The following TPRG1 variants were observed in gnomAD, a reference collection of about 807,000 sequenced individuals.
TPRG1 encodes tumor protein p63 regulated 1.
Under a neutral mutation model 29.3 loss-of-function variants are expected in TPRG1, and 29 were observed. The observed-to-expected ratio is 0.99, with a 90% CI of 0.74 to 1.35. The LOEUF (loss-of-function observed/expected upper bound fraction) is 1.35. Ranked by LOEUF, TPRG1 falls within the 40% of genes most tolerant of loss-of-function variation. The pLI, the probability that TPRG1 is intolerant of heterozygous loss-of-function variation, is 0.00. For missense variants in TPRG1, 327 were observed against 335.0 expected (o/e 0.98, Z 0.19); for synonymous variants, 130 against 116.8 (o/e 1.11, Z -0.73).
At chr3:189,257,431 C>A (rs1712105216) in intron 4 of TPRG1, among the ~76,000 whole-genome samples, 1 of 152,074 alleles carries the variant, frequency 6.6e-6, no homozygotes, top group Admixed American at 6.6e-5. Flanking sequence ...TCTGTCTGCC[C>A]TTAACAATTT....
At chr3:189,211,724 A>C (rs1245825727) in intron 2 of TPRG1, 1 of 152,188 alleles carries the variant, frequency 6.6e-6, no homozygotes, top group Non-Finnish European at 1.5e-5. Flanking sequence ...ACTTGGTGCC[A>C]AGGTCAACAA....
chr3:189,076,728 C>T (rs1717197840), intron 4 of TPRG1, among the ~76,000 whole-genome samples: 1 of 151,806 alleles, frequency 6.6e-6, no homozygotes, highest in South Asian at 2.1e-4. Flanking sequence ...AAAAAACATG[C>T]CCAGTAATTT....
At chr3:189,282,436 G>A (rs535238232) in intron 4 of TPRG1, among the ~76,000 whole-genome samples, 2 of 152,082 alleles carry the variant, frequency 1.3e-5, no homozygotes, top group South Asian at 2.1e-4. Context: ...CAGAGAGAGT[G>A]GGGGAGAGGG....
chr3:189,133,257 G>A (rs749424434), intron 3 of TPRG1, among the ~76,000 whole-genome samples: 8 of 152,196 alleles, frequency 5.3e-5, no homozygotes, highest in Non-Finnish European at 8.8e-5. Flanking sequence ...TATGCTGTGT[G>A]CTAGGGAGAC....
intron 3 of TPRG1, among the ~76,000 whole-genome samples, chr3:189,014,543 C>T (rs371135518): frequency 2.7e-4 from 41 of 152,186 alleles, no homozygotes; most frequent in African/African-American, 8.7e-4. Flanking sequence ...TCTGTGTTCC[C>T]ACCTAAATCT....
At chr3:189,148,721 G>T (rs1725566075) in intron 4 of TPRG1, among the ~76,000 whole-genome samples, 1 of 152,182 alleles carries the variant, frequency 6.6e-6, no homozygotes, top group Non-Finnish European at 1.5e-5. Flanking sequence ...TTCAGATTTG[G>T]GTGGTAAAGC....
At position 189,134,403 on chromosome 3, in the gene TPRG1, CTTT is replaced by C. The variant is rs56318082; in HGVS notation, c.-291+1731_-291+1733del. Among the ~76,000 whole-genome samples the C allele has an allele frequency of 8.9e-3, 1,080 of 120,896 alleles. 8 individuals are homozygous for C. The highest frequency in any genetic ancestry group is 0.031 in the African/African-American group (949 of 30,380). 79.3% of individuals were successfully genotyped at this position (120,896 alleles called of 152,430 possible). On this transcript the variant is annotated intron_variant, in intron 3 of 6. Coordinates refer to the TPRG1 transcript ENST00000412373. The stretch of plus-strand genomic sequence containing the variant: ...CCTAGGAATAAGCAGTGGGGGTATC[CTTT>C]TTTTTTTTTTTTTTTTTTTTTTTTG...
At chr3:189,188,494 C>A (rs969079124) in intron 1 of TPRG1, among the ~76,000 whole-genome samples, 3 of 152,150 alleles carry the variant, frequency 2.0e-5, no homozygotes, top group Non-Finnish European at 4.4e-5. Context: ...GTCTCCCAGC[C>A]CTATGTTTAA....
chr3:189,003,851 A>AT (rs971617554), intron 2 of TPRG1, among the ~76,000 whole-genome samples: 6 of 151,414 alleles, frequency 4.0e-5, no homozygotes, highest in African/African-American at 1.2e-4. Flanking sequence ...TTGCTGTAAT[A>AT]TTTTTTTTCT....
At chr3:189,238,485 G>A (rs143617498) in intron 3 of TPRG1, among the ~76,000 whole-genome samples, 24 of 152,274 alleles carry the variant, frequency 1.6e-4, no homozygotes, top group African/African-American at 4.6e-4. Context: ...GGATTCCATC[G>A]TGGGTAATCA....
At chr3:188,998,838 G>A (rs964457910) in intron 1 of TPRG1, among the ~76,000 whole-genome samples, 10 of 152,172 alleles carry the variant, frequency 6.6e-5, no homozygotes, top group Admixed American at 6.5e-4. Context: ...GAAATGAAGA[G>A]AGGTTTGTTA....
In TPRG1 at chr3:189,321,790, TA is replaced by T. The variant is rs1476659890; in HGVS notation, c.*974del. The T allele has an allele frequency of 6.6e-6, 1 of 152,122 alleles. No homozygotes were observed. Among genetic ancestry groups the T allele is most frequent in the Non-Finnish European group, 1.5e-5 (1 of 67,998 alleles). The allele number at this position is 152,122 out of a possible 1,614,324, so 9.4% of individuals were successfully genotyped here. ...GTAGAAGCAGCATATACGAAGCAGA[TA>T]AAAGTAGGTTCAATGCGGTTGGAGT... On this transcript the variant is annotated 3_prime_UTR_variant, in exon 6 of 6. Transcript: ENST00000345063.
At chr3:189,026,969 G>A (rs946602724) in intron 4 of TPRG1, among the ~76,000 whole-genome samples, 1 of 152,144 alleles carries the variant, frequency 6.6e-6, no homozygotes, top group Admixed American at 6.5e-5. Flanking sequence ...TTAGAAAAAT[G>A]TCTTTATTTT....
chr3:189,172,626 T>C (rs1004463809), intron 1 of TPRG1, among the ~76,000 whole-genome samples: 1 of 152,230 alleles, frequency 6.6e-6, no homozygotes. Context: ...CAAAAGGTGA[T>C]TATTTCTTTG....
intron 3 of TPRG1, among the ~76,000 whole-genome samples, chr3:189,234,684 A>G (rs140767862): frequency 5.1e-4 from 78 of 152,364 alleles, no homozygotes; most frequent in African/African-American, 1.7e-3. Context: ...AATTCATTTC[A>G]GAAGTATGTT....
At position 189,289,703 on chromosome 3, in the gene TPRG1, G is replaced by A. The variant is rs146802060; in HGVS notation, c.480-20683G>A. ...AAATATTAAGTACTATGAGATTATTGTATCACCCTTTCAGTCTTACCAGTC... is the reference window on the plus strand; with the variant it reads ...AAATATTAAGTACTATGAGATTATTATATCACCCTTTCAGTCTTACCAGTC... On this transcript the variant is annotated intron_variant, in intron 4 of 5. Coordinates refer to ENST00000345063, the MANE Select transcript of TPRG1 (RefSeq NM_198485.4). Among the ~76,000 whole-genome samples the A allele has an allele frequency of 7.2e-5, 11 of 152,242 alleles. 1 individual carries two copies. The East Asian group carries it at 2.1e-3, about 29-fold the overall frequency.
intron 4 of TPRG1, chr3:189,240,359 G>T (rs1740342167): frequency 6.6e-6 from 1 of 152,014 alleles, no homozygotes; most frequent in Non-Finnish European, 1.5e-5. Flanking sequence ...ATAGTCAACA[G>T]TTTCTTGTGT....
chr3:189,021,349 T>G (rs1476476946), intron 3 of TPRG1, among the ~76,000 whole-genome samples: 4 of 152,070 alleles, frequency 2.6e-5, no homozygotes, highest in Non-Finnish European at 5.9e-5. Context: ...CATTTTGGCA[T>G]GATTTTGCAG....
At chr3:189,012,899 T>C (rs1712678507) in intron 3 of TPRG1, among the ~76,000 whole-genome samples, 1 of 152,184 alleles carries the variant, frequency 6.6e-6, no homozygotes, top group South Asian at 2.1e-4. Flanking sequence ...TCTTTGTTAG[T>C]CTAGCTAGTG....
Sources: allele counts gnomAD v4.1 joint callset (sites outside exome capture counted in the v4.1 genomes callset), GRCh38; gene constraint gnomAD v4.1.1; transcripts MANE v1.5; gene names NCBI Gene and HGNC (gene_info 2026-07-23, HGNC 2026-07-21).